The following CNIH3 variants were observed in gnomAD, a reference collection of about 807,000 sequenced individuals.
The protein encoded by CNIH3 is protein cornichon homolog 3.
A neutral mutation model predicts 24.1 loss-of-function variants in CNIH3; 14 were observed. The observed-to-expected ratio is 0.58, with a 90% confidence interval of 0.38 to 0.91. The LOEUF (loss-of-function observed/expected upper bound fraction) is 0.91, where lower values mean the gene tolerates loss of function less well. Among genes scored for constraint, CNIH3 ranks in the 40% least tolerant of loss-of-function variants. The pLI is 0.00. For synonymous variants in CNIH3, 68 were observed against 73.8 expected, an observed-to-expected ratio of 0.92 and a Z score of 0.40; for missense variants, 178 against 196.8, an observed-to-expected ratio of 0.90 and a Z score of 0.57.
intron 1 of CNIH3, among the ~76,000 whole-genome samples, chr1:224,679,339 CAAAACA>C (rs1210493176): frequency 6.6e-6 from 1 of 151,630 alleles, no homozygotes; most frequent in African/African-American, 2.4e-5. Flanking sequence ...GACTCTGTCT[CAAAACA>C]AAAACAAAAA....
At chr1:224,591,903 T>C (rs1681772017), downstream of CNIH3, among the ~76,000 whole-genome samples, 1 of 152,032 alleles carries the variant, frequency 6.6e-6, no homozygotes, top group Non-Finnish European at 1.5e-5. Context: ...TAAAAAAGAG[T>C]GCAAGGCAAG....
chr1:224,593,208 C>T (rs556985259), downstream of CNIH3, among the ~76,000 whole-genome samples: 10 of 148,960 alleles, frequency 6.7e-5, no homozygotes, highest in South Asian at 1.1e-3. Context: ...TAGGCTGGAG[C>T]GCAGTGGCAT....
chr1:224,659,050 CTG>C (rs1467532048), intron 1 of CNIH3, among the ~76,000 whole-genome samples: 37 of 152,308 alleles, frequency 2.4e-4, no homozygotes, highest in Non-Finnish European at 1.3e-4. Flanking sequence ...TTTAGAAAGA[CTG>C]AACTAATTTT....
intron 1 of CNIH3, among the ~76,000 whole-genome samples, chr1:224,647,984 A>T (rs1281993984): frequency 1.3e-5 from 2 of 152,162 alleles, no homozygotes; most frequent in African/African-American, 4.8e-5. Flanking sequence ...GGAGACATAT[A>T]CTGATGAATT....
intron 3 of CNIH3, among the ~76,000 whole-genome samples, chr1:224,720,934 G>A (rs1330260264): frequency 1.3e-5 from 2 of 152,186 alleles, no homozygotes; most frequent in African/African-American, 4.8e-5. Flanking sequence ...TCCCTTGGGA[G>A]CAACTTTGGC....
At chr1:224,465,140 G>A (rs1364165601) in intron 1 of CNIH3, among the ~76,000 whole-genome samples, 3 of 146,834 alleles carry the variant, frequency 2.0e-5, no homozygotes, top group East Asian at 2.0e-4. Flanking sequence ...ACGGAGTTTC[G>A]CTCTTGTTGC....
At chr1:224,625,698 G>C (rs6690184) in intron 1 of CNIH3, among the ~76,000 whole-genome samples, 93,602 of 152,118 alleles carry the variant, frequency 0.62, 29,573 homozygotes, top group East Asian at 0.78. Flanking sequence ...AGATCAGGGT[G>C]GTTGAAGGTG....
intron 2 of CNIH3, among the ~76,000 whole-genome samples, chr1:224,544,608 C>A (rs560956837): frequency 6.6e-6 from 1 of 152,082 alleles, no homozygotes; most frequent in Non-Finnish European, 1.5e-5. Flanking sequence ...AATTTTAGGA[C>A]GCCACTCCAC....
At position 224,574,702 on chromosome 1, in the gene CNIH3, A is replaced by G. The variant is rs1680961119; in HGVS notation, n.516+8438A>G. On this transcript the variant is annotated intron_variant and non_coding_transcript_variant, in intron 4 of 5. Coordinates refer to the CNIH3 transcript ENST00000471578. ...GCGTACCATGAGAAGGGCCTGGTGA[A>G]AGGAGCCTGCCAGAAGATGCTCATT... 1.5e-5 allele frequency: 18 copies of G among 1,187,644 alleles called. No individual in the cohort carries two copies. In the South Asian group the frequency reaches 2.2e-4, roughly 14 times the overall value. The allele number at this position is 1,187,644 out of a possible 1,614,324, so 73.6% of individuals were successfully genotyped here.
intron 1 of CNIH3, among the ~76,000 whole-genome samples, chr1:224,517,774 A>T (rs1168645154): frequency 1.3e-5 from 2 of 152,162 alleles, no homozygotes; most frequent in African/African-American, 4.8e-5. Flanking sequence ...AACAGTCTCG[A>T]TCCGGGTTGC....
intron 1 of CNIH3, among the ~76,000 whole-genome samples, chr1:224,439,947 C>G (rs1461101806): frequency 6.6e-6 from 1 of 152,246 alleles, no homozygotes; most frequent in Non-Finnish European, 1.5e-5. Flanking sequence ...CACCACCACA[C>G]CCGGCTAATT....
chr1:224,484,593 GC>G (rs1216083939), intron 1 of CNIH3, among the ~76,000 whole-genome samples: 1 of 151,944 alleles, frequency 6.6e-6, no homozygotes, highest in Non-Finnish European at 1.5e-5. Context: ...CCAAATTTTA[GC>G]CATTACTTCT....
intron 1 of CNIH3, among the ~76,000 whole-genome samples, chr1:224,505,178 C>T (rs745514945): frequency 1.3e-5 from 2 of 151,582 alleles, no homozygotes; most frequent in Non-Finnish European, 2.9e-5. Context: ...TATGGTAGTG[C>T]GCGCCTGTAG....
chr1:224,553,449 C>T lies in CNIH3; in HGVS notation n.450+6510C>T, dbSNP rs530036018. ...GCAAGAATTCCTCAATGCTCATTCT[C>T]ACAACCCAATCTCACTGGGAGACCT... On this transcript the variant is annotated intron_variant and non_coding_transcript_variant, in intron 3 of 5. Coordinates refer to the CNIH3 transcript ENST00000471578. 7.2e-5 allele frequency among the ~76,000 whole-genome samples: 11 copies of T among 152,220 alleles called. No homozygotes were observed. The South Asian group carries it at 2.3e-3, about 32-fold the overall frequency.
intron 5 of CNIH3, among the ~76,000 whole-genome samples, chr1:224,735,506 G>A (rs1337242178): frequency 1.3e-5 from 2 of 152,126 alleles, no homozygotes; most frequent in East Asian, 1.9e-4. Flanking sequence ...CAAACCTCCC[G>A]GTGATGTCTC....
At chr1:224,540,082 G>A (rs1328040130), downstream of CNIH3, among the ~76,000 whole-genome samples, 1 of 152,162 alleles carries the variant, frequency 6.6e-6, no homozygotes, top group Non-Finnish European at 1.5e-5. Flanking sequence ...CTTGAAGTAT[G>A]TCTCATAGCT....
At chr1:224,680,054 C>T (rs916924924) in intron 1 of CNIH3, among the ~76,000 whole-genome samples, 6 of 152,168 alleles carry the variant, frequency 3.9e-5, no homozygotes, top group African/African-American at 1.4e-4. Flanking sequence ...GGTGATCCAA[C>T]CGCCTCGGCC....
chr1:224,650,665 G>A (rs547253211), intron 1 of CNIH3, among the ~76,000 whole-genome samples: 10 of 152,262 alleles, frequency 6.6e-5, no homozygotes, highest in African/African-American at 2.4e-4. Flanking sequence ...AACAAAAGTT[G>A]TTTTAGCAAA....
In CNIH3 at chr1:224,616,340, G is replaced by GGCGGCGGCAGCGGCGGCA. The variant is rs1345360958; in HGVS notation, c.-821_-820insGGCAGCGGCGGCAGCGGC. The GGCGGCGGCAGCGGCGGCA allele has an allele frequency of 2.1e-6, 1 of 473,884 alleles. No individual in the cohort carries two copies. The highest frequency in any genetic ancestry group is 2.9e-6 in the Non-Finnish European group (1 of 340,382). The allele number at this position is 473,884 out of a possible 1,614,324, so 29.4% of individuals were successfully genotyped here. On this transcript the variant is annotated 5_prime_UTR_variant, in exon 1 of 6. Transcript: ENST00000272133. ...TCGCAGTGGCAAAGGCGGCGGCGGC[G>GGCGGCGGCAGCGGCGGCA]GCGGCGGCAGCGGCAGCAGCAGGTG...
Sources: allele counts gnomAD v4.1 joint callset (sites outside exome capture counted in the v4.1 genomes callset), GRCh38; gene constraint gnomAD v4.1.1; transcripts MANE v1.5; gene names NCBI Gene and HGNC (gene_info 2026-07-23, HGNC 2026-07-21).